RUNX1T1: variants seen among roughly 807,000 people sequenced by gnomAD.
The protein encoded by RUNX1T1 is protein CBFA2T1.
In RUNX1T1, 4 loss-of-function variants were observed where a neutral mutation model predicts 62.8. The observed-to-expected ratio is 0.06, with a 90% confidence interval of 0.03 to 0.15. The LOEUF (loss-of-function observed/expected upper bound fraction) is 0.15. Among genes scored for constraint, RUNX1T1 ranks in the 10% least tolerant of loss-of-function variants. The pLI, the probability that RUNX1T1 is intolerant of heterozygous loss-of-function variation, is 1.00. For synonymous variants in RUNX1T1, 291 were observed against 286.0 expected, an observed-to-expected ratio of 1.02 and a Z score of -0.18; for missense variants, 508 against 754.3, an observed-to-expected ratio of 0.67 and a Z score of 3.82.
At chr8:92,007,525 A>G (rs1821018494) in intron 4 of RUNX1T1, among the ~76,000 whole-genome samples, 1 of 152,044 alleles carries the variant, frequency 6.6e-6, no homozygotes, top group Non-Finnish European at 1.5e-5. Context: ...ATGGGGATGC[A>G]TTCTGAGAGA....
At chr8:92,010,811 A>C in intron 4 of RUNX1T1, 191 bp downstream of exon 5, 1 of 458,676 alleles carries the variant, frequency 2.2e-6, no homozygotes, top group Admixed American at 4.0e-5. Context: ...ACTTCTTTTC[A>C]GGTAATTATT....
chr8:92,029,544 T>C (rs763635242), intron 1 of RUNX1T1, among the ~76,000 whole-genome samples: 6 of 152,104 alleles, frequency 3.9e-5, no homozygotes, highest in Non-Finnish European at 7.4e-5. Context: ...GGAAGAAGTA[T>C]TTGGAAAAAG....
At chr8:92,028,638 T>C (rs1446898147) in intron 1 of RUNX1T1, among the ~76,000 whole-genome samples, 1 of 152,122 alleles carries the variant, frequency 6.6e-6, no homozygotes, top group Non-Finnish European at 1.5e-5. Flanking sequence ...AAAATAAGGG[T>C]CCTTGTTTAA....
chr8:91,994,907 A>T (rs1420256759), intron 5 of RUNX1T1, among the ~76,000 whole-genome samples: 2 of 152,232 alleles, frequency 1.3e-5, no homozygotes, highest in Non-Finnish European at 2.9e-5. Flanking sequence ...CAAGTATTCT[A>T]TATTTACAAC....
chr8:92,020,514 A>G (rs1823871494), intron 1 of RUNX1T1, among the ~76,000 whole-genome samples: 1 of 152,166 alleles, frequency 6.6e-6, no homozygotes, highest in African/African-American at 2.4e-5. Flanking sequence ...ATATACTCAA[A>G]GACTGACACA....
chr8:92,069,057 G>A (rs1276629017), intron 2 of RUNX1T1, among the ~76,000 whole-genome samples: 6 of 151,726 alleles, frequency 4.0e-5, no homozygotes, highest in African/African-American at 1.5e-4. Context: ...ATGCAAACTG[G>A]TTCTCTTCTG....
intron 8 of RUNX1T1, 45 bp downstream of exon 9, chr8:91,986,079 A>T: frequency 7.8e-7 from 1 of 1,275,070 alleles, no homozygotes; most frequent in Non-Finnish European, 1.1e-6. Context: ...CATTAACAGC[A>T]TAAGAAATAT....
chr8:91,964,773 C>G (rs1811227060), intron 10 of RUNX1T1, among the ~76,000 whole-genome samples: 2 of 152,010 alleles, frequency 1.3e-5, no homozygotes, highest in African/African-American at 4.8e-5. Flanking sequence ...CACTTAACTC[C>G]CAAAAATGGA....
upstream of RUNX1T1, among the ~76,000 whole-genome samples, chr8:92,101,619 A>G (rs936086813): frequency 6.6e-6 from 1 of 152,152 alleles, no homozygotes; most frequent in Non-Finnish European, 1.5e-5. Context: ...CAAATCCTCC[A>G]AACTGAAAGG....
At chr8:92,094,956 C>T in intron 1 of RUNX1T1, 1 of 1,091,284 alleles carries the variant, frequency 9.2e-7, no homozygotes, top group Non-Finnish European at 1.3e-6. Context: ...CCCCCTTTAT[C>T]GAGTCTCTTT....
intron 1 of RUNX1T1, among the ~76,000 whole-genome samples, chr8:92,047,916 T>A (rs1829662969): frequency 6.6e-6 from 1 of 152,206 alleles, no homozygotes; most frequent in Non-Finnish European, 1.5e-5. Context: ...CTGCACAAGT[T>A]TACAATGGAA....
At chr8:92,069,638 C>T (rs1833389245) in intron 2 of RUNX1T1, among the ~76,000 whole-genome samples, 1 of 152,068 alleles carries the variant, frequency 6.6e-6, no homozygotes, top group African/African-American at 2.4e-5. Flanking sequence ...TCAAATAATA[C>T]CCAGCATAGT....
intron 10 of RUNX1T1, among the ~76,000 whole-genome samples, chr8:91,961,053 T>C (rs941044593): frequency 2.0e-5 from 3 of 152,200 alleles, no homozygotes; most frequent in Admixed American, 2.0e-4. Context: ...TGAGGCAAAG[T>C]CCTTTAACCT....
intron 1 of RUNX1T1, among the ~76,000 whole-genome samples, chr8:92,083,686 T>C (rs1835643825): frequency 1.3e-5 from 2 of 152,182 alleles, no homozygotes; most frequent in African/African-American, 2.4e-5. Context: ...TGAAAGACAA[T>C]GTGGCAATTC....
At chr8:91,957,693 A>C (rs568551250), downstream of RUNX1T1, 1 of 226,014 alleles carries the variant, frequency 4.4e-6, no homozygotes, top group African/African-American at 2.2e-5. Flanking sequence ...TTCGTAGCCT[A>C]GAACATATAA....
intron 5 of RUNX1T1, among the ~76,000 whole-genome samples, chr8:91,992,787 C>T (rs2976510): frequency 0.22 from 32,964 of 152,038 alleles, 3,682 homozygotes; most frequent in Middle Eastern, 0.26. Context: ...CCTGACGACA[C>T]ACCATCAGGT....
chr8:92,043,320 T>G (rs970895680), intron 1 of RUNX1T1, among the ~76,000 whole-genome samples: 1 of 152,138 alleles, frequency 6.6e-6, no homozygotes, highest in Non-Finnish European at 1.5e-5. Flanking sequence ...ATTAAGTTTG[T>G]GAAATCCCTT....
chr8:91,995,780 C>T (rs1818545412), intron 5 of RUNX1T1, among the ~76,000 whole-genome samples: 2 of 151,942 alleles, frequency 1.3e-5, no homozygotes, highest in Non-Finnish European at 2.9e-5. Context: ...GAGTGAGACC[C>T]TGTCTCAAAA....
intron 9 of RUNX1T1, among the ~76,000 whole-genome samples, chr8:91,974,064 G>A (rs918956483): frequency 4.6e-5 from 7 of 151,940 alleles, no homozygotes; most frequent in Non-Finnish European, 5.9e-5. Flanking sequence ...AACAAGTAGT[G>A]CTCTTTCTCT....
Sources: allele counts gnomAD v4.1 joint callset (sites outside exome capture counted in the v4.1 genomes callset), GRCh38; gene constraint gnomAD v4.1.1; transcripts MANE v1.5; gene names NCBI Gene and HGNC (gene_info 2026-07-23, HGNC 2026-07-21).